The following PPP1R9A variants were observed in gnomAD, a reference collection of about 807,000 sequenced individuals.
PPP1R9A encodes the protein neurabin-1.
A neutral mutation model predicts 141.9 loss-of-function variants in PPP1R9A; 59 were observed. The ratio of observed to expected loss-of-function variants is 0.42; its 90% CI spans 0.34 to 0.52. The LOEUF is 0.52. Among genes scored for constraint, PPP1R9A ranks in the 20% least tolerant of loss-of-function variants. PPP1R9A has a pLI of 0.10. For missense variants in PPP1R9A, 1,444 were observed against 1,611.9 expected (o/e 0.90, Z 1.78); for synonymous variants, 500 against 569.7 (o/e 0.88, Z 1.74).
intron 2 of PPP1R9A, among the ~76,000 whole-genome samples, chr7:94,945,935 AAC>A (rs1384072905): frequency 6.6e-6 from 1 of 152,076 alleles, no homozygotes; most frequent in Non-Finnish European, 1.5e-5. Flanking sequence ...ATCTTCAGAT[AAC>A]TAATATGCTA....
chr7:95,029,090 G>A (rs1807295511), intron 2 of PPP1R9A, among the ~76,000 whole-genome samples: 1 of 152,064 alleles, frequency 6.6e-6, no homozygotes, highest in Non-Finnish European at 1.5e-5. Context: ...TTGGAGTGTA[G>A]GTGCTAGACT....
At chr7:95,215,657 C>A (rs1045466576) in intron 7 of PPP1R9A, among the ~76,000 whole-genome samples, 1 of 152,092 alleles carries the variant, frequency 6.6e-6, no homozygotes, top group Admixed American at 6.6e-5. Flanking sequence ...TTTTAATGAT[C>A]GCCATTCTAA....
intron 4 of PPP1R9A, among the ~76,000 whole-genome samples, chr7:95,132,253 A>C (rs1824786183): frequency 6.6e-6 from 1 of 152,118 alleles, no homozygotes; most frequent in Admixed American, 6.5e-5. Context: ...GGGCACCCTT[A>C]TCTTGTTCCA....
Position 95,215,389 on chromosome 7 carries a change from G to C in PPP1R9A, c.1957-10572G>C, listed in dbSNP as rs183922758. ...TCTATCATTGTTGGACATTTGGGTT[G>C]GTTCCAAGTCCTTGCTATTGTGAAT... On this transcript the variant is annotated intron_variant, in intron 7 of 19. Transcript: ENST00000433360. 5.8e-4 allele frequency among the ~76,000 whole-genome samples: 89 copies of C among 152,190 alleles called. 1 individual carries two copies. The highest frequency in any genetic ancestry group is 5.8e-3 in the Admixed American group (88 of 15,272).
chr7:95,051,141 G>A (rs1349122823), intron 2 of PPP1R9A, among the ~76,000 whole-genome samples: 1 of 151,608 alleles, frequency 6.6e-6, no homozygotes, highest in Non-Finnish European at 1.5e-5. Context: ...TTCTTGGGAA[G>A]GGTTATGGTC....
intron 5 of PPP1R9A, among the ~76,000 whole-genome samples, chr7:95,164,725 T>G (rs1166912068): frequency 6.9e-6 from 1 of 145,554 alleles, no homozygotes; most frequent in African/African-American, 2.5e-5. Context: ...TACCATGGTT[T>G]TTTTTCTTTT....
At chr7:95,083,142 G>A (rs976606547) in intron 2 of PPP1R9A, among the ~76,000 whole-genome samples, 9 of 151,830 alleles carry the variant, frequency 5.9e-5, no homozygotes, top group Non-Finnish European at 1.2e-4. Context: ...TATATATTTT[G>A]TATATATTTT....
rs76647405 is a variant in PPP1R9A, at chr7:95,092,063, C to T, written c.1396-19196C>T. ...GTAGCTGCACTTCTCCTTTTCCTCA[C>T]CTCCTCATTATCACCTACCTGTTAT... On this transcript the variant is annotated intron_variant, in intron 2 of 19. Transcript: ENST00000433360. Among the ~76,000 whole-genome samples, 265 of 152,230 alleles carry T rather than the reference C, an allele frequency of 1.7e-3. 1 individual carries two copies. The highest frequency in any genetic ancestry group is 6.1e-3 in the African/African-American group (253 of 41,544).
At chr7:95,144,434 T>C (rs1827242971) in intron 4 of PPP1R9A, among the ~76,000 whole-genome samples, 1 of 152,202 alleles carries the variant, frequency 6.6e-6, no homozygotes, top group Non-Finnish European at 1.5e-5. Flanking sequence ...ATTTTGGCTA[T>C]TGTGTATAAT....
At chr7:95,274,026 A>C (rs934788549) in intron 15 of PPP1R9A, 40 bp downstream of exon 15, 3 of 1,496,260 alleles carry the variant, frequency 2.0e-6, no homozygotes, top group Non-Finnish European at 2.7e-6. Flanking sequence ...CCTCTGTAAA[A>C]GGAGGATTGA....
intron 5 of PPP1R9A, among the ~76,000 whole-genome samples, chr7:95,176,062 G>T (rs147291971): frequency 6.6e-6 from 1 of 151,854 alleles, no homozygotes. Context: ...CAGAAAACCC[G>T]AGAGGACCCA....
chr7:95,162,947 T>G (rs1379731985), intron 5 of PPP1R9A, among the ~76,000 whole-genome samples: 1 of 152,178 alleles, frequency 6.6e-6, no homozygotes, highest in Non-Finnish European at 1.5e-5. Flanking sequence ...TTCTAGAATA[T>G]CCACAGTCCT....
chr7:95,033,962 A>G (rs892499921), intron 2 of PPP1R9A, among the ~76,000 whole-genome samples: 1 of 152,090 alleles, frequency 6.6e-6, no homozygotes, highest in African/African-American at 2.4e-5. Flanking sequence ...GTTCTTACAC[A>G]TTGTTCTTCA....
intron 7 of PPP1R9A, among the ~76,000 whole-genome samples, chr7:95,218,776 G>A (rs932076694): frequency 1.3e-5 from 2 of 152,120 alleles, no homozygotes. Flanking sequence ...TTTTATCAGA[G>A]ACTAGGATTG....
intron 2 of PPP1R9A, among the ~76,000 whole-genome samples, chr7:95,042,926 A>AG (rs1809470131): frequency 6.6e-6 from 1 of 152,044 alleles, no homozygotes; most frequent in Non-Finnish European, 1.5e-5. Context: ...GTTAAAAAAA[A>AG]AAGTCCCTTT....
chr7:95,094,499 G>T (rs759289632), intron 2 of PPP1R9A, among the ~76,000 whole-genome samples: 3 of 152,120 alleles, frequency 2.0e-5, no homozygotes, highest in African/African-American at 2.4e-5. Flanking sequence ...ACCTAGATGT[G>T]GTGTATCATA....
At chr7:95,104,407 C>T (rs1482734657) in intron 2 of PPP1R9A, among the ~76,000 whole-genome samples, 1 of 152,098 alleles carries the variant, frequency 6.6e-6, no homozygotes, top group South Asian at 2.1e-4. Context: ...TGAGATAGGC[C>T]TATGAGTCTG....
intron 2 of PPP1R9A, among the ~76,000 whole-genome samples, chr7:94,939,485 A>G (rs1795103883): frequency 6.6e-6 from 1 of 152,098 alleles, no homozygotes; most frequent in East Asian, 1.9e-4. Context: ...GTATGTTTCA[A>G]TTCAAGAAAA....
chr7:95,044,044 T>C (rs1288034171), intron 2 of PPP1R9A, among the ~76,000 whole-genome samples: 1 of 152,178 alleles, frequency 6.6e-6, no homozygotes, highest in Non-Finnish European at 1.5e-5. Context: ...CAACAATACA[T>C]TGGAGACTGC....
Sources: gnomAD v4.1 joint callset for allele counts (sites outside exome capture counted in the v4.1 genomes callset) on GRCh38, gnomAD v4.1.1 for gene constraint, MANE v1.5 for transcripts, NCBI Gene and HGNC (gene_info 2026-07-23, HGNC 2026-07-21) for gene names.